Variants in CCDC61 observed in about 807,000 individuals in gnomAD.
The protein encoded by CCDC61 is coiled-coil domain containing 61.
In CCDC61, 55 loss-of-function variants were observed where a neutral mutation model predicts 63.0. That is an observed-to-expected ratio of 0.87 (90% CI 0.70 to 1.09). The LOEUF (loss-of-function observed/expected upper bound fraction) is 1.09, where lower values mean the gene tolerates loss of function less well. Ranked by LOEUF, CCDC61 falls within the 50% of genes least tolerant of loss-of-function variation. The probability of loss-of-function intolerance (pLI) is 0.00; values close to 1 mark genes in which losing one functional copy is unlikely to be tolerated. For synonymous variants in CCDC61, 270 were observed against 317.0 expected, an observed-to-expected ratio of 0.85 and a Z score of 1.58; for missense variants, 651 against 731.4, an observed-to-expected ratio of 0.89 and a Z score of 1.27.
At chr19:46,007,422 T>C (rs1453964898) in intron 4 of CCDC61, among the ~76,000 whole-genome samples, 2 of 152,114 alleles carry the variant, frequency 1.3e-5, no homozygotes, top group South Asian at 2.1e-4. Flanking sequence ...ATTGCATCTA[T>C]ATCAAGGCAG....
Position 46,016,785 on chromosome 19 carries a change from A to G in CCDC61, c.1183A>G (p.Thr395Ala). The change falls in exon 10 of 14, where the codon ACT (threonine) becomes GCT (alanine). Residue 395 changes from threonine to alanine, a missense_variant. By Grantham distance (58) the Thr-to-Ala change is moderately conservative. Coordinates refer to ENST00000595358, the MANE Select transcript of CCDC61 (RefSeq NM_001267723.2). The surrounding 1 kb of genome is among the most constrained non-coding windows in gnomAD (Gnocchi z 7.2). The stretch of plus-strand genomic sequence containing the variant: ...CCAGACCCAGCCCCCTGCTGCCTTG[A>G]CTGGCCGAGGGGACGCCCCTAACCG... ...SRQTQPPAAL[T>A]GRGDAPNRSR... 1 of 1,550,700 alleles carries G rather than the reference A, an allele frequency of 6.4e-7. No individual in the cohort carries two copies. The highest frequency in any genetic ancestry group is 8.7e-7 in the Non-Finnish European group (1 of 1,148,352).
In CCDC61 at chr19:46,015,325, C is replaced by T. The variant is rs749168086; in HGVS notation, c.763-20C>T. ...CTCGGCCTCAGCCTGGACCTCCGCG[C>T]CCCTCTCCCCTCCCGGCAGCTCGAG... On this transcript the variant is annotated intron_variant, in intron 6 of 13. Transcript: ENST00000595358. This position sits in a 1 kb window ranked among gnomAD's most constrained non-coding sequence, Gnocchi z 5.3. 12 of 1,594,044 alleles carry T rather than the reference C, an allele frequency of 7.5e-6. 1 individual carries two copies. In the South Asian group the frequency reaches 1.3e-4, roughly 18 times the overall value.
intron 5 of CCDC61, among the ~76,000 whole-genome samples, chr19:46,012,302 C>T (rs1422037996): frequency 3.3e-5 from 5 of 152,190 alleles, no homozygotes; most frequent in Admixed American, 2.0e-4. Context: ...TATAAATGTA[C>T]GGTTTCACAA....
chr19:46,008,028 G>A, intron 4 of CCDC61, 112 bp from the exon 5 acceptor site: 2 of 1,158,972 alleles, frequency 1.7e-6, no homozygotes, highest in Non-Finnish European at 2.4e-6. Flanking sequence ...CTAGGACAGT[G>A]CAGTTTTTGG....
At chr19:45,997,869 C>T (rs2163866) in intron 1 of CCDC61, among the ~76,000 whole-genome samples, 76,541 of 151,098 alleles carry the variant, frequency 0.51, 19,646 homozygotes, top group African/African-American at 0.57. Flanking sequence ...GTAATTTTAG[C>T]AGAGATGGGG....
chr19:46,012,327 A>C (rs13346021), intron 5 of CCDC61, among the ~76,000 whole-genome samples: 2,758 of 152,352 alleles, frequency 0.018, 91 homozygotes, highest in African/African-American at 0.063. Context: ...TCATAAAGCC[A>C]GCGTACATGT....
chr19:46,015,023 C>T lies in CCDC61; in HGVS notation c.552-26C>T. On this transcript the variant is annotated intron_variant, in intron 5 of 13. Transcript: ENST00000595358. This position sits in a 1 kb window ranked among gnomAD's most constrained non-coding sequence, Gnocchi z 5.3. Reference sequence around the variant, plus strand: ...GGGAATGGGGCCATGCCTCTCTCTCCAGCGCTCTCTCCGCGTCTTCCCCAG... The same window carrying T: ...GGGAATGGGGCCATGCCTCTCTCTCTAGCGCTCTCTCCGCGTCTTCCCCAG... 6.7e-7 allele frequency: 1 copy of T among 1,486,754 alleles called. No individual in the cohort carries two copies. The highest frequency in any genetic ancestry group is 1.2e-5 in the South Asian group (1 of 81,184). The allele number at this position is 1,486,754 out of a possible 1,614,324, so 92.1% of individuals were successfully genotyped here.
chr19:46,018,259 A>C lies in CCDC61; in HGVS notation c.1442-31A>C, dbSNP rs1600658080. The C allele has an allele frequency of 1.3e-6, 2 of 1,551,326 alleles. No individual in the cohort carries two copies. Among genetic ancestry groups the C allele is most frequent in the East Asian group, 2.4e-5 (1 of 41,112 alleles). ...AACTCCCTGGGGCTTCAGGCCCCTC[A>C]CAGCCCCCATACCCACACCTGCTCT... is the stretch of plus-strand genomic sequence containing the variant. On this transcript the variant is annotated intron_variant, in intron 13 of 13. Transcript: ENST00000595358. This position sits in a 1 kb window ranked among gnomAD's most constrained non-coding sequence, Gnocchi z 4.2.
In CCDC61 at chr19:46,008,140, G is replaced by T. The variant is rs1968748293; in HGVS notation, c.390G>T (p.Arg130Ser). The T allele has an allele frequency of 6.2e-7, 1 of 1,606,374 alleles. No individual in the cohort carries two copies. Among genetic ancestry groups the T allele is most frequent in the Non-Finnish European group, 8.5e-7 (1 of 1,176,662 alleles). ...LILIYSVEFD[R>S]IHYPLPLPYQ... ...CACGGTTTTAATCCTCCCTCCTCAGGATTCACTACCCGCTGCCCCTCCCGT... is the reference window on the plus strand; with the variant it reads ...CACGGTTTTAATCCTCCCTCCTCAGTATTCACTACCCGCTGCCCCTCCCGT... The change falls in exon 5 of 14, where the codon AGG (arginine) becomes AGT (serine). Residue 130 changes from arginine to serine, a missense_variant and splice_region_variant. Physicochemically the swap from Arg to Ser is moderately radical, Grantham distance 110. Coordinates refer to ENST00000595358, the MANE Select transcript of CCDC61 (RefSeq NM_001267723.2).
Position 46,016,876 on chromosome 19 carries a change from G to A in CCDC61, c.1231+43G>A. 5 of 1,496,260 alleles carry A rather than the reference G, an allele frequency of 3.3e-6. No homozygotes were observed. Among genetic ancestry groups the A allele is most frequent in the Non-Finnish European group, 4.5e-6 (5 of 1,114,682 alleles). 92.7% of individuals were successfully genotyped at this position (1,496,260 alleles called of 1,614,324 possible). A position where few individuals can be genotyped will look rare whatever the true frequency, so the allele number is the denominator to read the frequency against. On this transcript the variant is annotated intron_variant, in intron 10 of 13. Transcript: ENST00000595358. This position sits in a 1 kb window ranked among gnomAD's most constrained non-coding sequence, Gnocchi z 7.2. ...GGGGGCTGCCGGGCTAGGCGGGACT[G>A]GGCGGGGCTGGGCGGGCTGGGAGGC...
intron 1 of CCDC61, among the ~76,000 whole-genome samples, chr19:45,998,482 C>T (rs1257642732): frequency 6.6e-6 from 1 of 152,150 alleles, no homozygotes; most frequent in Non-Finnish European, 1.5e-5. Flanking sequence ...GCCTGGGAGT[C>T]AGGGAGGGCT....
At chr19:46,011,332 G>A (rs1968825756) in intron 5 of CCDC61, among the ~76,000 whole-genome samples, 1 of 152,088 alleles carries the variant, frequency 6.6e-6, no homozygotes, top group Non-Finnish European at 1.5e-5. Context: ...TTACAGGCAC[G>A]AGCCACTGAG....
intron 1 of CCDC61, among the ~76,000 whole-genome samples, chr19:46,001,984 G>A (rs36125222): frequency 0.13 from 19,460 of 151,962 alleles, 1,563 homozygotes; most frequent in Middle Eastern, 0.25. Flanking sequence ...TCCCCCTGTC[G>A]CCAGGCTGGA....
intron 5 of CCDC61, among the ~76,000 whole-genome samples, chr19:46,014,354 C>A (rs955434198): frequency 1.1e-4 from 16 of 151,974 alleles, no homozygotes; most frequent in African/African-American, 3.4e-4. Context: ...ATTTATAATT[C>A]TCATTTCTTT....
At chr19:46,000,441 C>T (rs984026220) in intron 1 of CCDC61, among the ~76,000 whole-genome samples, 1 of 151,094 alleles carries the variant, frequency 6.6e-6, no homozygotes, top group Non-Finnish European at 1.5e-5. Context: ...CCTCCCTGCC[C>T]CCAAATCTGG....
chr19:46,012,647 G>GA (rs1029187812), intron 5 of CCDC61, among the ~76,000 whole-genome samples: 55 of 132,042 alleles, frequency 4.2e-4, no homozygotes, highest in South Asian at 1.4e-3. Context: ...ACTCTATGTG[G>GA]AAAAAAAAAA....
chr19:46,009,930 C>T (rs1310663693), intron 5 of CCDC61, among the ~76,000 whole-genome samples: 1 of 152,044 alleles, frequency 6.6e-6, no homozygotes, highest in Non-Finnish European at 1.5e-5. Context: ...CAAGGGGGCG[C>T]CCTCCACCCT....
rs1335160614 is a variant in CCDC61 at position 46,006,647 on chromosome 19, T to C, written c.320T>C (p.Leu107Ser). ...NRKMGGRPGS[L>S]APRSAQLNSK... ...AAGATGGGGGGCCGCCCAGGCTCCT[T>C]GGCCCCCAGGTCGGCCCAGCTCAAC... The change falls in exon 4 of 14, where the codon TTG (leucine) becomes TCG (serine). Residue 107 changes from leucine (L) to serine (S), a missense_variant. Coordinates refer to ENST00000595358, the MANE Select transcript of CCDC61 (RefSeq NM_001267723.2). 13 of 1,613,826 alleles carry C rather than the reference T, an allele frequency of 8.1e-6. No individual in the cohort carries two copies. The highest frequency in any genetic ancestry group is 1.1e-5 in the Non-Finnish European group (13 of 1,179,806).
chr19:46,008,014 G>A, intron 4 of CCDC61, 126 bp from the exon 5 acceptor site: 2 of 988,870 alleles, frequency 2.0e-6, no homozygotes, highest in South Asian at 1.9e-5. Flanking sequence ...GTGCTCATAA[G>A]CCTCTAGGAC....
Sources: gnomAD v4.1 joint callset for allele counts (sites outside exome capture counted in the v4.1 genomes callset) on GRCh38, gnomAD v4.1.1 for gene constraint, Gnocchi (gnomAD v3.1) non-coding constraint, MANE v1.5 for transcripts, NCBI Gene and HGNC (gene_info 2026-07-23, HGNC 2026-07-21) for gene names.